CRHR1: variants seen among roughly 807,000 people sequenced by gnomAD.
The protein encoded by CRHR1 is corticotropin releasing hormone receptor 1, also known as corticotropin-releasing hormone receptor 1.
A neutral mutation model predicts 56.0 loss-of-function variants in CRHR1; 28 were observed. That is an observed-to-expected ratio of 0.50 (90% CI 0.37 to 0.69). The LOEUF (loss-of-function observed/expected upper bound fraction) is 0.69, where lower values mean the gene tolerates loss of function less well. CRHR1 is among the 30% of genes least tolerant of loss of function. The pLI, the probability that CRHR1 is intolerant of heterozygous loss-of-function variation, is 0.00. For synonymous variants in CRHR1, 195 were observed against 216.5 expected (o/e 0.90, Z 0.87); for missense variants, 376 against 548.0 (o/e 0.69, Z 3.13).
chr17:45,796,794 A>C (rs1312668304), intron 1 of CRHR1, among the ~76,000 whole-genome samples: 1 of 152,148 alleles, frequency 6.6e-6, no homozygotes, highest in Non-Finnish European at 1.5e-5. Context: ...GAAAGAAGGG[A>C]GGGAGGAAAA....
rs2062403518 is a variant in CRHR1 at position 45,834,854 on chromosome 17, G to A, written c.*90G>A. The A allele has an allele frequency of 1.3e-6, 2 of 1,556,680 alleles. No homozygotes were observed. The highest frequency in any genetic ancestry group is 8.8e-7 in the Non-Finnish European group (1 of 1,142,572). On this transcript the variant is annotated 3_prime_UTR_variant, in exon 13 of 13. Coordinates refer to ENST00000314537, the MANE Select transcript of CRHR1 (RefSeq NM_004382.5). ...ACCACCCTGCCTGTGGAGGTGACCT[G>A]TTAGGTCTCATGCCCACTCCCCCAG...
Position 45,834,781 on chromosome 17 carries a change from G to A in CRHR1, c.*17G>A. On this transcript the variant is annotated 3_prime_UTR_variant, in exon 13 of 13. Transcript: ENST00000314537. ...GCAGTCTGAGCTGGCAGGTCATGGA[G>A]CAGCCCCCAAAGAGCTGTGGCTGGG... 2.5e-6 allele frequency: 4 copies of A among 1,613,304 alleles called. No individual in the cohort carries two copies. The highest frequency in any genetic ancestry group is 3.4e-6 in the Non-Finnish European group (4 of 1,179,878).
intron 7 of CRHR1, 46 bp from the exon 8 acceptor site, chr17:45,830,834 C>T (rs1222435156): frequency 6.3e-7 from 1 of 1,590,066 alleles, no homozygotes; most frequent in South Asian, 1.1e-5. Flanking sequence ...GGCCCACATC[C>T]TCCAGCCCCC....
chr17:45,831,324 T>G (rs2062304242), intron 8 of CRHR1, among the ~76,000 whole-genome samples: 1 of 152,222 alleles, frequency 6.6e-6, no homozygotes, highest in Admixed American at 6.5e-5. Context: ...CCATCTATAT[T>G]AAGCATTTAC....
intron 3 of CRHR1, among the ~76,000 whole-genome samples, chr17:45,819,288 CACTT>C (rs1315173658): frequency 2.0e-5 from 3 of 152,226 alleles, no homozygotes; most frequent in Non-Finnish European, 2.9e-5. Flanking sequence ...CAGATGCTCT[CACTT>C]ACAGAGGAGG....
chr17:45,815,544 G>A (rs566225380), intron 2 of CRHR1, among the ~76,000 whole-genome samples: 1 of 152,276 alleles, frequency 6.6e-6, no homozygotes, highest in South Asian at 2.1e-4. Flanking sequence ...TGAAAGCCGT[G>A]GGCCCATTTC....
chr17:45,794,533 T>C (rs2061483609), intron 1 of CRHR1, among the ~76,000 whole-genome samples: 1 of 152,224 alleles, frequency 6.6e-6, no homozygotes, highest in Non-Finnish European at 1.5e-5. Context: ...AGTGGCTCTT[T>C]CTGGCAGCCA....
chr17:45,789,471 A>G (rs1228062274), intron 1 of CRHR1, among the ~76,000 whole-genome samples: 1 of 151,934 alleles, frequency 6.6e-6, no homozygotes, highest in South Asian at 2.1e-4. Flanking sequence ...TTGTGGGCTC[A>G]AGTGATCCTC....
chr17:45,813,285 T>C (rs2061858905), intron 2 of CRHR1, among the ~76,000 whole-genome samples: 1 of 152,190 alleles, frequency 6.6e-6, no homozygotes, highest in African/African-American at 2.4e-5. Flanking sequence ...CTGAGGCCCT[T>C]GTGCCTTTGG....
chr17:45,789,577 C>T (rs1040077320), intron 1 of CRHR1, among the ~76,000 whole-genome samples: 2 of 151,964 alleles, frequency 1.3e-5, no homozygotes, highest in African/African-American at 2.4e-5. Context: ...GCCGTATTGC[C>T]CAGGCTGGTC....
At chr17:45,801,489 A>C (rs2061621193) in intron 1 of CRHR1, among the ~76,000 whole-genome samples, 1 of 152,176 alleles carries the variant, frequency 6.6e-6, no homozygotes, top group African/African-American at 2.4e-5. Context: ...AGCCGCACGC[A>C]CCCTTGGCCT....
chr17:45,785,903 G>T (rs759568643), intron 1 of CRHR1, among the ~76,000 whole-genome samples: 10 of 152,190 alleles, frequency 6.6e-5, no homozygotes, highest in Non-Finnish European at 1.0e-4. Flanking sequence ...TCCGTTACCT[G>T]AGGGCTAGGG....
At chr17:45,819,999 T>G (rs1230107381) in intron 3 of CRHR1, among the ~76,000 whole-genome samples, 2 of 151,934 alleles carry the variant, frequency 1.3e-5, no homozygotes, top group Non-Finnish European at 2.9e-5. Context: ...TGAGAAGGGG[T>G]CCCCAGAGGT....
intron 1 of CRHR1, among the ~76,000 whole-genome samples, chr17:45,786,937 G>A (rs534264496): frequency 2.0e-4 from 30 of 152,172 alleles, no homozygotes; most frequent in African/African-American, 6.7e-4. Flanking sequence ...CACCATGCCC[G>A]GCCATTACCA....
chr17:45,810,473 T>C (rs1358413707), intron 2 of CRHR1, among the ~76,000 whole-genome samples: 2 of 152,114 alleles, frequency 1.3e-5, no homozygotes, highest in African/African-American at 4.8e-5. Flanking sequence ...CACTAAGCAG[T>C]TACTAAGCAG....
intron 1 of CRHR1, among the ~76,000 whole-genome samples, chr17:45,792,252 T>C (rs2061440116): frequency 6.6e-6 from 1 of 152,166 alleles, no homozygotes; most frequent in Admixed American, 6.5e-5. Context: ...TTGGTCTTGG[T>C]CTAAGCCACG....
chr17:45,799,371 G>A (rs1461050543), intron 1 of CRHR1: 1 of 152,210 alleles, frequency 6.6e-6, no homozygotes, highest in Non-Finnish European at 1.5e-5. Context: ...TTGCACTGAC[G>A]CTTTATTTCT....
intron 4 of CRHR1, among the ~76,000 whole-genome samples, chr17:45,823,746 G>A (rs887159592): frequency 2.6e-5 from 4 of 152,156 alleles, no homozygotes; most frequent in African/African-American, 7.2e-5. Context: ...CTCCCACCCC[G>A]GCCTGGCAAG....
rs2061304724 is a variant in CRHR1, at chr17:45,784,904, C to T, written c.33+327C>T. 1.3e-5 allele frequency among the ~76,000 whole-genome samples: 2 copies of T among 152,134 alleles called. No individual in the cohort carries two copies. Among genetic ancestry groups the T allele is most frequent in the South Asian group, 4.1e-4 (2 of 4,822 alleles). ...GACGCCTAGGGGAGGGGAGGTTCCA[C>T]CTCCCACGCCCTTCCTGCAGACCTC... On this transcript the variant is annotated intron_variant, in intron 1 of 12. Coordinates refer to ENST00000314537, the MANE Select transcript of CRHR1 (RefSeq NM_004382.5). The surrounding 1 kb of genome is among the most constrained non-coding windows in gnomAD (Gnocchi z 4.2).
Sources: allele counts gnomAD v4.1 joint callset (sites outside exome capture counted in the v4.1 genomes callset), GRCh38; gene constraint gnomAD v4.1.1; non-coding constraint Gnocchi (gnomAD v3.1); transcripts MANE v1.5; gene names NCBI Gene and HGNC (gene_info 2026-07-23, HGNC 2026-07-21).